Variants in SLC43A2 observed in about 807,000 individuals in gnomAD.
SLC43A2 encodes large neutral amino acids transporter small subunit 4.
A neutral mutation model predicts 63.2 loss-of-function variants in SLC43A2; 38 were observed. The ratio of observed to expected loss-of-function variants is 0.60; its 90% CI spans 0.46 to 0.79. SLC43A2 has a LOEUF of 0.79. Among genes scored for constraint, SLC43A2 ranks in the 30% least tolerant of loss-of-function variants. SLC43A2 has a pLI of 0.00. For missense variants in SLC43A2, 644 were observed against 756.2 expected, an observed-to-expected ratio of 0.85 and a Z score of 1.74; for synonymous variants, 322 against 331.0, an observed-to-expected ratio of 0.97 and a Z score of 0.30.
chr17:1,591,719 C>CGGGGG lies in SLC43A2; in HGVS notation c.595-21_595-20insCCCCC. On this transcript the variant is annotated intron_variant, in intron 6 of 13. Transcript: ENST00000301335. Reference sequence around the variant, plus strand: ...GATGAGCTGACAGGCACCGCGGGGACGGGGTGGGGGGGGGAGGGGGCAGAG... The same window carrying CGGGGG: ...GATGAGCTGACAGGCACCGCGGGGACGGGGGGGGGTGGGGGGGGGAGGGGGCAGAG... 2 of 118,054 alleles carry CGGGGG rather than the reference C, an allele frequency of 1.7e-5. No homozygotes were observed. Among genetic ancestry groups the CGGGGG allele is most frequent in the Non-Finnish European group, 3.6e-5 (2 of 55,428 alleles). The allele number at this position is 118,054 out of a possible 1,614,324, so 7.3% of individuals were successfully genotyped here.
chr17:1,581,408 C>T (rs564634527), intron 11 of SLC43A2, among the ~76,000 whole-genome samples: 40 of 152,312 alleles, frequency 2.6e-4, no homozygotes, highest in East Asian at 3.9e-4. Context: ...CAGGGAGGGC[C>T]GGAGGGATGC....
At chr17:1,589,925 A>G (rs1904590703) in intron 9 of SLC43A2, among the ~76,000 whole-genome samples, 1 of 152,134 alleles carries the variant, frequency 6.6e-6, no homozygotes, top group Non-Finnish European at 1.5e-5. Flanking sequence ...GGCCTAGACT[A>G]CCATTTTCAC....
chr17:1,594,297 C>T (rs954398436), intron 5 of SLC43A2, among the ~76,000 whole-genome samples: 4 of 152,174 alleles, frequency 2.6e-5, no homozygotes, highest in African/African-American at 9.7e-5. Flanking sequence ...CAAGAGGGGG[C>T]CCACCTGAAC....
At chr17:1,594,737 G>T (rs373996679) in intron 5 of SLC43A2, among the ~76,000 whole-genome samples, 85 of 151,306 alleles carry the variant, frequency 5.6e-4, no homozygotes, top group African/African-American at 1.8e-3. Flanking sequence ...ATAGGCGCCC[G>T]CCACCACACC....
In SLC43A2 at chr17:1,593,042, G is replaced by A; in HGVS notation, c.594+145C>T. 1.4e-6 allele frequency: 1 copy of A among 706,100 alleles called. No individual in the cohort carries two copies. The highest frequency in any genetic ancestry group is 2.7e-5 in the East Asian group (1 of 36,740). The allele number at this position is 706,100 out of a possible 1,614,324, so 43.7% of individuals were successfully genotyped here. On this transcript the variant is annotated intron_variant, in intron 6 of 13. Transcript: ENST00000301335. The surrounding 1 kb of genome is among the most constrained non-coding windows in gnomAD (Gnocchi z 5.3). ...CCCGCGGTTTTCATTTGTCGCCCCTGTGATGCCCAGGTGCATCCTGCCCGG... is the reference window on the plus strand; with the variant it reads ...CCCGCGGTTTTCATTTGTCGCCCCTATGATGCCCAGGTGCATCCTGCCCGG...
intron 11 of SLC43A2, among the ~76,000 whole-genome samples, chr17:1,582,741 A>G (rs183059231): frequency 1.3e-3 from 196 of 152,242 alleles, no homozygotes; most frequent in African/African-American, 4.5e-3. Flanking sequence ...TCCGCAAATA[A>G]CAAAGGGCTG....
chr17:1,612,118 C>T (rs970064375), intron 5 of SLC43A2, among the ~76,000 whole-genome samples: 1 of 152,010 alleles, frequency 6.6e-6, no homozygotes, highest in Admixed American at 6.6e-5. Flanking sequence ...CATGCACCAC[C>T]CGCCCGGCTA....
At chr17:1,585,145 G>A (rs2076082296) in intron 10 of SLC43A2, 2 of 987,862 alleles carry the variant, frequency 2.0e-6, no homozygotes, top group African/African-American at 1.7e-5. Flanking sequence ...CCAAGGGGTG[G>A]AGGGAGGGTG....
At chr17:1,584,145 G>A (rs199957273) in intron 10 of SLC43A2, among the ~76,000 whole-genome samples, 12 of 151,940 alleles carry the variant, frequency 7.9e-5, no homozygotes, top group Non-Finnish European at 1.0e-4. Context: ...CACCCGCCTT[G>A]GCCTCCCAAA....
chr17:1,586,930 C>CCCCCCCCCCCCCCCCTCCCCCCGG (rs1428562054), intron 9 of SLC43A2: 5 of 783,186 alleles, frequency 6.4e-6, no homozygotes, highest in Admixed American at 4.9e-5. Flanking sequence ...CCTGACAATC[C>CCCCCCCCCCCCCCCCTCCCCCCGG]CCCCCACCCC....
rs1192075479 is a variant in SLC43A2 at position 1,572,278 on chromosome 17, A to C, written c.*3326T>G. Reference sequence around the variant, plus strand: ...CACAGAGGCCCCCCCCCCGCCACAGAGGTCCCCCCTGCCACAGAGGTCCCC... The same window carrying C: ...CACAGAGGCCCCCCCCCCGCCACAGCGGTCCCCCCTGCCACAGAGGTCCCC... On this transcript the variant is annotated 3_prime_UTR_variant, in exon 14 of 14. Coordinates refer to ENST00000301335, the MANE Select transcript of SLC43A2 (RefSeq NM_152346.3). The C allele has an allele frequency of 4.1e-5, 3 of 73,684 alleles. No homozygotes were observed. The highest frequency in any genetic ancestry group is 8.0e-5 in the Non-Finnish European group (3 of 37,686). 4.6% of individuals were successfully genotyped at this position (73,684 alleles called of 1,614,324 possible).
intron 4 of SLC43A2, 89 bp downstream of exon 4, chr17:1,614,890 G>A: frequency 7.5e-7 from 1 of 1,337,464 alleles, no homozygotes; most frequent in Non-Finnish European, 1.1e-6. Context: ...GCAGGCCCAG[G>A]ACAGTGTCCA....
chr17:1,615,645 C>T lies in SLC43A2; in HGVS notation c.369-611G>A, dbSNP rs1181569138. Reference sequence around the variant, plus strand: ...GATCACAAGGTCAGGAGATCGAGACCATCCTGGCTAACACAGTGAAACCCC... The same window carrying T: ...GATCACAAGGTCAGGAGATCGAGACTATCCTGGCTAACACAGTGAAACCCC... On this transcript the variant is annotated intron_variant, in intron 3 of 13. Coordinates refer to ENST00000301335, the MANE Select transcript of SLC43A2 (RefSeq NM_152346.3). Among the ~76,000 whole-genome samples the T allele has an allele frequency of 3.3e-5, 5 of 149,978 alleles. 1 individual carries two copies. Among genetic ancestry groups the T allele is most frequent in the Non-Finnish European group, 7.4e-5 (5 of 67,358 alleles).
chr17:1,598,100 C>A (rs1905500232), intron 5 of SLC43A2, among the ~76,000 whole-genome samples: 1 of 152,146 alleles, frequency 6.6e-6, no homozygotes, highest in South Asian at 2.1e-4. Context: ...TCCTGCCCGG[C>A]ATGCCAGCAC....
At chr17:1,596,176 C>G (rs1023638758) in intron 5 of SLC43A2, among the ~76,000 whole-genome samples, 8 of 151,910 alleles carry the variant, frequency 5.3e-5, no homozygotes, top group African/African-American at 1.7e-4. Context: ...AAAAATTAGC[C>G]GGGCGTGGTG....
In SLC43A2 at chr17:1,614,834, T is replaced by C. The variant is rs973271670; in HGVS notation, c.424+145A>G. ...TCGCCGTCTATTTGAGATAAGTAAC[T>C]GAGTAGAGGCGTAACAGGTGTCCCC... On this transcript the variant is annotated intron_variant, in intron 4 of 13. Transcript: ENST00000301335. The C allele has an allele frequency of 1.7e-4, 125 of 749,312 alleles. 1 individual carries two copies. Among genetic ancestry groups the C allele is most frequent in the Middle Eastern group, 8.6e-4 (3 of 3,484 alleles). The allele number at this position is 749,312 out of a possible 1,614,324, so 46.4% of individuals were successfully genotyped here. A position where few individuals can be genotyped will look rare whatever the true frequency, so the allele number is the denominator to read the frequency against.
chr17:1,623,535 T>C (rs1908350947), intron 2 of SLC43A2, among the ~76,000 whole-genome samples: 1 of 152,128 alleles, frequency 6.6e-6, no homozygotes, highest in Non-Finnish European at 1.5e-5. Context: ...TCCTCCTGTC[T>C]TGGGAATAAA....
At chr17:1,594,782 G>A (rs374326921) in intron 5 of SLC43A2, among the ~76,000 whole-genome samples, 28 of 151,628 alleles carry the variant, frequency 1.8e-4, no homozygotes, top group Non-Finnish European at 2.5e-4. Context: ...TAGAGACGGG[G>A]TTTCACCACG....
At chr17:1,598,176 G>A (rs531266750) in intron 5 of SLC43A2, among the ~76,000 whole-genome samples, 4 of 152,204 alleles carry the variant, frequency 2.6e-5, no homozygotes, top group South Asian at 2.1e-4. Context: ...TAATCCCAAC[G>A]CTTTGGGAGG....
Sources: gnomAD v4.1 joint callset for allele counts (sites outside exome capture counted in the v4.1 genomes callset) on GRCh38, gnomAD v4.1.1 for gene constraint, Gnocchi (gnomAD v3.1) non-coding constraint, MANE v1.5 for transcripts, NCBI Gene and HGNC (gene_info 2026-07-23, HGNC 2026-07-21) for gene names.